Variants in LRP12 observed in about 807,000 individuals in gnomAD.
LRP12 encodes LDL receptor related protein 12, also known as low-density lipoprotein receptor-related protein 12.
In LRP12, 14 loss-of-function variants were observed where a neutral mutation model predicts 66.0. The ratio of observed to expected loss-of-function variants is 0.21; its 90% CI spans 0.14 to 0.33. LRP12 has a LOEUF of 0.33. Ranked by LOEUF, LRP12 falls within the 10% of genes least tolerant of loss-of-function variation. The probability of loss-of-function intolerance (pLI) is 1.00; values close to 1 mark genes in which losing one functional copy is unlikely to be tolerated. For missense variants in LRP12, 889 were observed against 1,053.4 expected, an observed-to-expected ratio of 0.84 and a Z score of 2.16; for synonymous variants, 357 against 359.1, an observed-to-expected ratio of 0.99 and a Z score of 0.07.
At chr8:104,580,358 T>TAAAAAA (rs774764260) in intron 1 of LRP12, among the ~76,000 whole-genome samples, 36 of 91,770 alleles carry the variant, frequency 3.9e-4, no homozygotes, top group Non-Finnish European at 5.2e-4. Context: ...CTACTAAAAA[T>TAAAAAA]AAAAAAAAAA....
intron 2 of LRP12, among the ~76,000 whole-genome samples, chr8:104,528,224 A>T (rs1203022902): frequency 6.6e-6 from 1 of 152,222 alleles, no homozygotes; most frequent in Non-Finnish European, 1.5e-5. Flanking sequence ...GAGCACCGGC[A>T]AATGGAGTAG....
chr8:104,501,283 A>G (rs1810824264), intron 3 of LRP12, among the ~76,000 whole-genome samples: 1 of 152,058 alleles, frequency 6.6e-6, no homozygotes. Context: ...GGTTTTATGT[A>G]CACTTCCCTG....
chr8:104,548,080 T>G (rs796413628), intron 1 of LRP12, among the ~76,000 whole-genome samples: 28 of 116,504 alleles, frequency 2.4e-4, no homozygotes, highest in South Asian at 1.2e-3. Context: ...ATAATTCTGT[T>G]ATATTATATT....
intron 1 of LRP12, among the ~76,000 whole-genome samples, chr8:104,540,408 A>G (rs541857873): frequency 5.3e-5 from 8 of 152,306 alleles, no homozygotes; most frequent in African/African-American, 1.7e-4. Flanking sequence ...GTAGGTCTAG[A>G]TGAAGATTTT....
At chr8:104,537,486 C>T (rs180912781) in intron 1 of LRP12, among the ~76,000 whole-genome samples, 6 of 152,150 alleles carry the variant, frequency 3.9e-5, no homozygotes, top group African/African-American at 1.4e-4. Context: ...AAGTTCTGAC[C>T]AGCAAGAGAG....
intron 2 of LRP12, among the ~76,000 whole-genome samples, chr8:104,513,357 C>A (rs756302879): frequency 6.6e-6 from 1 of 152,154 alleles, no homozygotes; most frequent in African/African-American, 2.4e-5. Flanking sequence ...TGTTGAAATA[C>A]GGAGTTGCTA....
At chr8:104,532,013 A>T (rs765774244) in intron 1 of LRP12, 50 bp from the exon 2 acceptor site, 10 of 1,181,066 alleles carry the variant, frequency 8.5e-6, no homozygotes, top group East Asian at 5.0e-5. Flanking sequence ...AAATTACAAA[A>T]TTTTTTCAGA....
intron 6 of LRP12, among the ~76,000 whole-genome samples, chr8:104,494,244 G>C (rs1387586489): frequency 6.6e-6 from 1 of 152,102 alleles, no homozygotes; most frequent in Non-Finnish European, 1.5e-5. Flanking sequence ...TTCCAACAGT[G>C]GAACTTCTGA....
intron 2 of LRP12, among the ~76,000 whole-genome samples, chr8:104,511,440 C>A (rs1810995863): frequency 6.6e-6 from 1 of 151,914 alleles, no homozygotes; most frequent in Non-Finnish European, 1.5e-5. Flanking sequence ...GCCTTGAATT[C>A]TTGGGCGCAG....
In LRP12 at chr8:104,548,278, ATTAATATATCATATAT is replaced by A. The variant is rs1811647460; in HGVS notation, c.80-16331_80-16316del. Among the ~76,000 whole-genome samples the A allele has an allele frequency of 3.3e-5, 3 of 91,290 alleles. No homozygotes were observed. The South Asian group carries it at 8.6e-4, about 26-fold the overall frequency. 59.9% of individuals were successfully genotyped at this position (91,290 alleles called of 152,430 possible). ...TATATTAATATATGATATATATTAT[ATTAATATATCATATAT>A]TTATATAATATATATTATATAAATA... is the stretch of plus-strand genomic sequence containing the variant. On this transcript the variant is annotated intron_variant, in intron 1 of 6. Transcript: ENST00000276654.
intron 3 of LRP12, 51 bp from the exon 4 acceptor site, chr8:104,499,570 A>T (rs1221217873): frequency 7.5e-7 from 1 of 1,328,716 alleles, no homozygotes; most frequent in Admixed American, 2.0e-5. Flanking sequence ...TGGAAAAAAA[A>T]ATCGTATTAC....
intron 2 of LRP12, among the ~76,000 whole-genome samples, chr8:104,531,353 A>G (rs1811322415): frequency 6.6e-6 from 1 of 152,180 alleles, no homozygotes; most frequent in African/African-American, 2.4e-5. Context: ...AAGTAATTAT[A>G]AAGTTATAAA....
intron 1 of LRP12, among the ~76,000 whole-genome samples, chr8:104,541,588 C>T (rs1036502011): frequency 3.9e-5 from 6 of 152,134 alleles, no homozygotes; most frequent in Admixed American, 1.3e-4. Context: ...CAACCATCAC[C>T]ACCACCATCT....
chr8:104,574,665 G>A (rs541136177), intron 1 of LRP12, among the ~76,000 whole-genome samples: 9 of 152,172 alleles, frequency 5.9e-5, no homozygotes, highest in South Asian at 4.1e-4. Flanking sequence ...GAGATGGGCT[G>A]TAAGTATAAA....
chr8:104,585,622 C>A (rs1304535780), intron 1 of LRP12, among the ~76,000 whole-genome samples: 1 of 151,886 alleles, frequency 6.6e-6, no homozygotes, highest in Non-Finnish European at 1.5e-5. Flanking sequence ...TGAGTCCAGA[C>A]CAGCAAATGA....
At chr8:104,508,784 T>C in intron 3 of LRP12, 155 bp downstream of exon 3, 1 of 618,260 alleles carries the variant, frequency 1.6e-6, no homozygotes, top group Non-Finnish European at 2.7e-6. Context: ...GCTGTTACTC[T>C]TACTCTTAAG....
At chr8:104,577,403 T>G (rs910644846) in intron 1 of LRP12, among the ~76,000 whole-genome samples, 1 of 152,094 alleles carries the variant, frequency 6.6e-6, no homozygotes, top group African/African-American at 2.4e-5. Flanking sequence ...TGCAATCAAA[T>G]TAGGAATCAA....
At chr8:104,583,275 T>C (rs577444564) in intron 1 of LRP12, among the ~76,000 whole-genome samples, 6 of 152,298 alleles carry the variant, frequency 3.9e-5, no homozygotes, top group East Asian at 3.9e-4. Context: ...TTTCTAAGTA[T>C]TGCTCTAATC....
At chr8:104,573,345 A>T (rs1201941644) in intron 1 of LRP12, among the ~76,000 whole-genome samples, 1 of 151,978 alleles carries the variant, frequency 6.6e-6, no homozygotes, top group African/African-American at 2.4e-5. Flanking sequence ...CAGGAGTCCT[A>T]CCCCCTGACT....
Sources: allele counts gnomAD v4.1 joint callset (sites outside exome capture counted in the v4.1 genomes callset), GRCh38; gene constraint gnomAD v4.1.1; transcripts MANE v1.5; gene names NCBI Gene and HGNC (gene_info 2026-07-23, HGNC 2026-07-21).